Variants in NRXN1 observed in about 807,000 individuals in gnomAD.
NRXN1 encodes the protein neurexin-1.
NRXN1 carries 39 observed loss-of-function variants against 150.9 expected under a neutral mutation model. The observed-to-expected ratio is 0.26, with a 90% CI of 0.20 to 0.34. The LOEUF (loss-of-function observed/expected upper bound fraction) is 0.34, where lower values mean the gene tolerates loss of function less well. Ranked by LOEUF, NRXN1 falls within the 10% of genes least tolerant of loss-of-function variation. The probability of loss-of-function intolerance (pLI) is 1.00; values close to 1 mark genes in which losing one functional copy is unlikely to be tolerated. For missense variants in NRXN1, 1,815 were observed against 1,949.9 expected (o/e 0.93, Z 1.30); for synonymous variants, 924 against 757.0 (o/e 1.22, Z -3.62).
rs1196353627 is a variant in NRXN1, at chr2:49,920,221, T to C, written c.*1723A>G. On this transcript the variant is annotated 3_prime_UTR_variant, in exon 23 of 23. Transcript: ENST00000401669. ...ATGTAAAACCAGAAAAGTTAAAACA[T>C]AGTCAATAATTAACAGAGAATGATT... The C allele has an allele frequency of 2.6e-5, 4 of 152,184 alleles. No homozygotes were observed. Among genetic ancestry groups the C allele is most frequent in the Admixed American group, 1.3e-4 (2 of 15,268 alleles). 9.4% of individuals were successfully genotyped at this position (152,184 alleles called of 1,614,324 possible).
intron 5 of NRXN1, among the ~76,000 whole-genome samples, chr2:50,649,525 G>A (rs1484704083): frequency 6.6e-6 from 1 of 151,910 alleles, no homozygotes; most frequent in Non-Finnish European, 1.5e-5. Flanking sequence ...TTGCAGAAAT[G>A]TGTTCATTAG....
At chr2:50,515,143 G>A (rs1277957324) in intron 12 of NRXN1, among the ~76,000 whole-genome samples, 1 of 152,142 alleles carries the variant, frequency 6.6e-6, no homozygotes, top group East Asian at 1.9e-4. Flanking sequence ...CAGATCAGCA[G>A]TGACAACCGA....
At chr2:50,559,510 C>G (rs7565509) in intron 8 of NRXN1, among the ~76,000 whole-genome samples, 57,047 of 151,960 alleles carry the variant, frequency 0.38, 11,529 homozygotes, top group East Asian at 0.6. Flanking sequence ...ACATGTTACA[C>G]TGAAAATAAA....
intron 17 of NRXN1, among the ~76,000 whole-genome samples, chr2:50,387,729 C>T (rs989366687): frequency 6.6e-6 from 1 of 152,016 alleles, no homozygotes; most frequent in Admixed American, 6.6e-5. Context: ...TGTGATTGCT[C>T]TTAATGGCAT....
At chr2:49,990,627 A>G (rs1302060372) in intron 21 of NRXN1, among the ~76,000 whole-genome samples, 1 of 152,144 alleles carries the variant, frequency 6.6e-6, no homozygotes, top group East Asian at 1.9e-4. Flanking sequence ...CAGTGTTCAT[A>G]AGACTTACTG....
chr2:50,565,551 T>C lies in NRXN1; in HGVS notation c.1321-12526A>G, dbSNP rs116006003. On this transcript the variant is annotated intron_variant, in intron 8 of 22. Coordinates refer to ENST00000401669, the MANE Select transcript of NRXN1 (RefSeq NM_001330078.2). ...TACTCTGACTGGGAACCAAAAAATA[T>C]CCTGACATGTCTTCTGAGTTCTGAA... is the stretch of plus-strand genomic sequence containing the variant. Among the ~76,000 whole-genome samples the C allele has an allele frequency of 3.7e-3, 563 of 152,244 alleles. 4 individuals are homozygous for C. Among genetic ancestry groups the C allele is most frequent in the African/African-American group, 0.012 (504 of 41,540 alleles).
intron 17 of NRXN1, among the ~76,000 whole-genome samples, chr2:50,463,480 T>C (rs1044696971): frequency 1.3e-5 from 2 of 151,802 alleles, no homozygotes; most frequent in African/African-American, 2.4e-5. Flanking sequence ...AAAGTAATTT[T>C]AATGCTGATT....
intron 19 of NRXN1, among the ~76,000 whole-genome samples, chr2:50,069,706 G>C (rs149711709): frequency 1.3e-5 from 2 of 151,888 alleles, no homozygotes; most frequent in African/African-American, 4.8e-5. Flanking sequence ...TCCACTTTGT[G>C]CTATACAGAC....
chr2:50,765,474 G>C (rs1702276849), intron 5 of NRXN1, among the ~76,000 whole-genome samples: 1 of 151,942 alleles, frequency 6.6e-6, no homozygotes, highest in Non-Finnish European at 1.5e-5. Context: ...CCCTCTTTCT[G>C]CCCAGGTAAA....
chr2:50,615,946 G>A (rs1166708580), intron 8 of NRXN1: 2 of 152,112 alleles, frequency 1.3e-5, no homozygotes, highest in African/African-American at 4.8e-5. Context: ...ATATAAACAA[G>A]TATTTCTGTC....
intron 17 of NRXN1, among the ~76,000 whole-genome samples, chr2:50,431,491 G>A (rs2084959473): frequency 6.6e-6 from 1 of 152,140 alleles, no homozygotes; most frequent in Non-Finnish European, 1.5e-5. Context: ...GGTTAAGCCT[G>A]CTGAATTTTT....
chr2:50,696,571 CA>C (rs1692906471), intron 5 of NRXN1, among the ~76,000 whole-genome samples: 1 of 152,074 alleles, frequency 6.6e-6, no homozygotes. Context: ...CCTCTTCTTC[CA>C]ATGTCTATTT....
At chr2:51,029,413 T>A (rs1671128738) in intron 1 of NRXN1, among the ~76,000 whole-genome samples, 1 of 152,236 alleles carries the variant, frequency 6.6e-6, no homozygotes, top group African/African-American at 2.4e-5. Context: ...CCTTGTAGTT[T>A]ATTATAACTG....
At position 49,919,455 on chromosome 2, in the gene NRXN1, T is replaced by C. The variant is rs1572845317; in HGVS notation, c.*2489A>G. 2 of 152,068 alleles carry C rather than the reference T, an allele frequency of 1.3e-5. No individual in the cohort carries two copies. The highest frequency in any genetic ancestry group is 1.3e-4 in the Admixed American group (2 of 15,268). The allele number at this position is 152,068 out of a possible 1,614,324, so 9.4% of individuals were successfully genotyped here. On this transcript the variant is annotated 3_prime_UTR_variant, in exon 23 of 23. Coordinates refer to ENST00000401669, the MANE Select transcript of NRXN1 (RefSeq NM_001330078.2). ...TCCCAAACAACACATTTCATAGATATACTGCTTAAAATTACCATTATTCAA... is the reference window on the plus strand; with the variant it reads ...TCCCAAACAACACATTTCATAGATACACTGCTTAAAATTACCATTATTCAA...
intron 5 of NRXN1, among the ~76,000 whole-genome samples, chr2:50,886,635 T>C (rs1680293415): frequency 6.6e-6 from 1 of 151,470 alleles, no homozygotes; most frequent in Non-Finnish European, 1.5e-5. Context: ...GTCTGTATTC[T>C]ATCAATAGTC....
chr2:50,857,415 G>A (rs1369955112), intron 5 of NRXN1, among the ~76,000 whole-genome samples: 1 of 152,028 alleles, frequency 6.6e-6, no homozygotes, highest in Non-Finnish European at 1.5e-5. Context: ...GATTTGAGGT[G>A]TGAAAAATTA....
chr2:50,262,217 A>C (rs560518751), intron 17 of NRXN1, among the ~76,000 whole-genome samples: 1 of 152,122 alleles, frequency 6.6e-6, no homozygotes, highest in East Asian at 1.9e-4. Context: ...ACAGTAGAGG[A>C]CATTTTATTT....
rs1327306419 is a variant in NRXN1 at position 49,919,902 on chromosome 2, C to CTAAAG, written c.*2037_*2041dup. ...CACTTCTTGGCTTTTTTTTCATCAA[C>CTAAAG]TAAAGTATCACAAAAGATGTTTTGC... On this transcript the variant is annotated 3_prime_UTR_variant, in exon 23 of 23. Transcript: ENST00000401669. 1 of 152,012 alleles carries CTAAAG rather than the reference C, an allele frequency of 6.6e-6. No individual in the cohort carries two copies. The highest frequency in any genetic ancestry group is 2.4e-5 in the African/African-American group (1 of 41,422). The allele number at this position is 152,012 out of a possible 1,614,324, so 9.4% of individuals were successfully genotyped here.
At chr2:50,364,604 T>G (rs765508310) in intron 17 of NRXN1, among the ~76,000 whole-genome samples, 6 of 152,188 alleles carry the variant, frequency 3.9e-5, no homozygotes, top group Admixed American at 6.5e-5. Context: ...AATTGAGACC[T>G]GATGATCTTA....
Sources: gnomAD v4.1 joint callset for allele counts (sites outside exome capture counted in the v4.1 genomes callset) on GRCh38, gnomAD v4.1.1 for gene constraint, MANE v1.5 for transcripts, NCBI Gene and HGNC (gene_info 2026-07-23, HGNC 2026-07-21) for gene names.